GPC6: variants seen among roughly 807,000 people sequenced by gnomAD.
GPC6 encodes glypican 6.
Under a neutral mutation model 55.2 loss-of-function variants are expected in GPC6, and 14 were observed. The observed-to-expected ratio is 0.25, with a 90% CI of 0.17 to 0.40. The LOEUF (loss-of-function observed/expected upper bound fraction) is 0.40. Ranked by LOEUF, GPC6 falls within the 10% of genes least tolerant of loss-of-function variation. The pLI, the probability that GPC6 is intolerant of heterozygous loss-of-function variation, is 1.00. For synonymous variants in GPC6, 278 were observed against 259.6 expected, an observed-to-expected ratio of 1.07 and a Z score of -0.68; for missense variants, 641 against 708.5, an observed-to-expected ratio of 0.90 and a Z score of 1.08.
intron 2 of GPC6, among the ~76,000 whole-genome samples, chr13:93,713,415 A>G (rs1241753351): frequency 6.6e-6 from 1 of 151,744 alleles, no homozygotes; most frequent in Non-Finnish European, 1.5e-5. Context: ...AGACTAATTA[A>G]GAATAAAGAT....
chr13:93,658,033 C>T (rs1483963868), intron 2 of GPC6, among the ~76,000 whole-genome samples: 2 of 151,970 alleles, frequency 1.3e-5, no homozygotes, highest in Non-Finnish European at 2.9e-5. Flanking sequence ...CTGCAGAAAG[C>T]AGTAAACCTG....
chr13:93,515,134 G>C (rs1277759456), intron 1 of GPC6, among the ~76,000 whole-genome samples: 1 of 151,990 alleles, frequency 6.6e-6, no homozygotes, highest in Admixed American at 6.6e-5. Context: ...TCTCACTCTC[G>C]CTTTTGTCCT....
chr13:93,223,661 C>T (rs1228474797), upstream of GPC6, among the ~76,000 whole-genome samples: 1 of 152,060 alleles, frequency 6.6e-6, no homozygotes, highest in East Asian at 1.9e-4. Flanking sequence ...CTAGCCTGGT[C>T]TCTAACTCCG....
intron 4 of GPC6, among the ~76,000 whole-genome samples, chr13:94,061,056 T>A (rs1208934947): frequency 2.0e-5 from 3 of 152,210 alleles, no homozygotes; most frequent in Admixed American, 2.0e-4. Context: ...TTATTTGCTT[T>A]TACTCTGCCT....
At chr13:94,327,256 C>G (rs577878935) in intron 6 of GPC6, among the ~76,000 whole-genome samples, 107 of 152,304 alleles carry the variant, frequency 7.0e-4, no homozygotes, top group Middle Eastern at 3.4e-3. Context: ...TTTTCCCCCT[C>G]TGTGTCAGCA....
intron 4 of GPC6, among the ~76,000 whole-genome samples, chr13:94,271,166 AT>A (rs1202991501): frequency 2.6e-4 from 39 of 148,208 alleles, no homozygotes; most frequent in East Asian, 8.0e-4. Context: ...AATTTTTTGT[AT>A]TTTTTAGTAG....
chr13:94,142,681 T>C (rs1374775820), intron 4 of GPC6, among the ~76,000 whole-genome samples: 2 of 152,102 alleles, frequency 1.3e-5, no homozygotes, highest in Non-Finnish European at 2.9e-5. Flanking sequence ...TTTCCTCCCA[T>C]ACTTAGCTTA....
At chr13:93,913,985 C>T (rs1877150728) in intron 3 of GPC6, among the ~76,000 whole-genome samples, 1 of 152,150 alleles carries the variant, frequency 6.6e-6, no homozygotes, top group Admixed American at 6.5e-5. Context: ...TACCATTTGG[C>T]TGTGTTCAGT....
At chr13:93,954,790 T>G (rs1326804718) in intron 3 of GPC6, among the ~76,000 whole-genome samples, 1 of 152,166 alleles carries the variant, frequency 6.6e-6, no homozygotes, top group Non-Finnish European at 1.5e-5. Context: ...AAATATAAGA[T>G]GTAGACTGAT....
intron 2 of GPC6, among the ~76,000 whole-genome samples, chr13:93,663,793 T>C (rs1881024394): frequency 6.6e-6 from 1 of 152,172 alleles, no homozygotes; most frequent in Non-Finnish European, 1.5e-5. Context: ...CATCCACTAA[T>C]AGCAAGGACT....
At chr13:93,594,854 A>T (rs1295515570) in intron 2 of GPC6, among the ~76,000 whole-genome samples, 2 of 151,348 alleles carry the variant, frequency 1.3e-5, no homozygotes, top group Non-Finnish European at 2.9e-5. Flanking sequence ...GGCCTGTTTT[A>T]GAAGTGCACT....
chr13:93,765,491 A>T (rs1003216561), intron 2 of GPC6, among the ~76,000 whole-genome samples: 63 of 151,854 alleles, frequency 4.1e-4, no homozygotes, highest in African/African-American at 1.5e-3. Flanking sequence ...AAACTTTTTT[A>T]AAAAAAATGA....
intron 4 of GPC6, among the ~76,000 whole-genome samples, chr13:94,193,066 T>C (rs1041653007): frequency 3.0e-3 from 23 of 7,772 alleles, no homozygotes; most frequent in African/African-American, 4.3e-3. Flanking sequence ...ACTCCTCGTG[T>C]GTGTGTGTGT....
At chr13:93,522,259 G>A (rs1881448262) in intron 1 of GPC6, among the ~76,000 whole-genome samples, 1 of 151,910 alleles carries the variant, frequency 6.6e-6, no homozygotes, top group Non-Finnish European at 1.5e-5. Flanking sequence ...CTGTAGACAT[G>A]CAAATTAATT....
intron 6 of GPC6, among the ~76,000 whole-genome samples, chr13:94,380,535 C>T (rs1880111762): frequency 6.6e-6 from 1 of 152,042 alleles, no homozygotes; most frequent in Non-Finnish European, 1.5e-5. Flanking sequence ...GCCACATTTA[C>T]CTTTTCTCTT....
At chr13:93,815,489 A>G (rs572658227) in intron 2 of GPC6, among the ~76,000 whole-genome samples, 4 of 152,334 alleles carry the variant, frequency 2.6e-5, no homozygotes, top group South Asian at 4.1e-4. Context: ...AATTTCAAAT[A>G]GGTACTGGCA....
intron 4 of GPC6, among the ~76,000 whole-genome samples, chr13:94,175,958 A>ATAT (rs1888744895): frequency 1.8e-5 from 2 of 108,468 alleles, no homozygotes. Context: ...ATATATATAG[A>ATAT]GAGAGAGAGA....
intron 2 of GPC6, among the ~76,000 whole-genome samples, chr13:93,674,764 G>T (rs2139632841): frequency 6.6e-6 from 1 of 152,248 alleles, no homozygotes; most frequent in South Asian, 2.1e-4. Context: ...CCTTATCAAG[G>T]TGTTTTAGCT....
chr13:93,327,675 A>G (rs992163873), intron 1 of GPC6, among the ~76,000 whole-genome samples: 1 of 152,126 alleles, frequency 6.6e-6, no homozygotes, highest in Non-Finnish European at 1.5e-5. Flanking sequence ...AAATGCATTT[A>G]TGATACAGTA....
Sources: allele counts gnomAD v4.1 joint callset (sites outside exome capture counted in the v4.1 genomes callset), GRCh38; gene constraint gnomAD v4.1.1; transcripts MANE v1.5; gene names NCBI Gene and HGNC (gene_info 2026-07-23, HGNC 2026-07-21).